SPATA13: variants seen among roughly 807,000 people sequenced by gnomAD.
SPATA13 encodes the protein spermatogenesis-associated protein 13.
SPATA13 carries 50 observed loss-of-function variants against 104.0 expected under a neutral mutation model. The observed-to-expected ratio is 0.48, with a 90% CI of 0.38 to 0.61. SPATA13 has a LOEUF of 0.61. SPATA13 is among the 20% of genes least tolerant of loss of function. SPATA13 has a pLI of 0.00. For synonymous variants in SPATA13, 606 were observed against 667.5 expected, an observed-to-expected ratio of 0.91 and a Z score of 1.42; for missense variants, 1,524 against 1,690.6, an observed-to-expected ratio of 0.90 and a Z score of 1.73.
At chr13:24,080,825 T>G (rs1463984038) in intron 3 of SPATA13, among the ~76,000 whole-genome samples, 1 of 152,202 alleles carries the variant, frequency 6.6e-6, no homozygotes, top group Non-Finnish European at 1.5e-5. Context: ...TGTTCTTTAA[T>G]CATTTTGTTT....
chr13:24,147,974 AT>A (rs898723083), intron 3 of SPATA13, among the ~76,000 whole-genome samples: 2 of 152,092 alleles, frequency 1.3e-5, no homozygotes, highest in African/African-American at 4.8e-5. Flanking sequence ...TATACACCAC[AT>A]TTTTTTAATC....
rs74041909 is a variant in SPATA13, at chr13:24,176,381, G to T, written c.-112+15449G>T. On this transcript the variant is annotated intron_variant, in intron 1 of 12. Transcript: ENST00000382108. ...GTTACAACTTTGGAAGGGCAGCAAAGACCTTGGTCTATTACTTTTCATGTA... is the reference window on the plus strand; with the variant it reads ...GTTACAACTTTGGAAGGGCAGCAAATACCTTGGTCTATTACTTTTCATGTA... 1.0e-2 allele frequency among the ~76,000 whole-genome samples: 1,520 copies of T among 152,308 alleles called. 27 individuals carry two copies. Among genetic ancestry groups the T allele is most frequent in the African/African-American group, 0.034 (1,424 of 41,546 alleles).
intron 1 of SPATA13, among the ~76,000 whole-genome samples, chr13:24,191,287 TTAATG>T (rs1869725830): frequency 6.6e-6 from 1 of 152,072 alleles, no homozygotes. Flanking sequence ...TATTTTAAAA[TTAATG>T]TATGTACATT....
intron 3 of SPATA13, among the ~76,000 whole-genome samples, chr13:24,089,033 G>A (rs11620172): frequency 0.061 from 9,290 of 152,296 alleles, 309 homozygotes; most frequent in African/African-American, 0.074. Context: ...ACGTTCACAG[G>A]TGGCTTTGAA....
At chr13:24,096,965 C>CTTTTAAA (rs1880105918) in intron 3 of SPATA13, among the ~76,000 whole-genome samples, 5 of 152,186 alleles carry the variant, frequency 3.3e-5, no homozygotes, top group Admixed American at 3.3e-4. Flanking sequence ...AAAGATCACT[C>CTTTTAAA]AGGCCCCTTA....
intron 2 of SPATA13, among the ~76,000 whole-genome samples, chr13:24,226,171 A>G (rs1289914538): frequency 6.6e-6 from 1 of 152,056 alleles, no homozygotes; most frequent in African/African-American, 2.4e-5. Context: ...GGAAGTTCTC[A>G]CTCCAGGTCG....
intron 1 of SPATA13, among the ~76,000 whole-genome samples, chr13:24,219,997 A>G (rs988480751): frequency 6.6e-6 from 1 of 152,092 alleles, no homozygotes; most frequent in Non-Finnish European, 1.5e-5. Context: ...CCCCAAATGT[A>G]CTGCCTCCCA....
chr13:24,113,154 A>C (rs1880703251), intron 3 of SPATA13, among the ~76,000 whole-genome samples: 1 of 152,228 alleles, frequency 6.6e-6, no homozygotes, highest in African/African-American at 2.4e-5. Flanking sequence ...TTTAAGTTTT[A>C]GTTTTGTAAA....
intron 4 of SPATA13, among the ~76,000 whole-genome samples, chr13:24,267,299 T>C (rs1874342609): frequency 6.6e-6 from 1 of 152,188 alleles, no homozygotes; most frequent in African/African-American, 2.4e-5. Flanking sequence ...ATAAAGGGGT[T>C]GTTGGGTCAC....
chr13:24,249,479 C>A lies in SPATA13; in HGVS notation c.1656C>A (p.Val552=). 6.5e-7 allele frequency: 1 copy of A among 1,549,950 alleles called. No homozygotes were observed. Among genetic ancestry groups the A allele is most frequent in the South Asian group, 1.2e-5 (1 of 84,732 alleles). The change falls in exon 3 of 13, where the codon GTC becomes GTA. Residue 552 remains valine, a splice_region_variant and synonymous_variant. Coordinates refer to ENST00000382108, the MANE Select transcript of SPATA13 (RefSeq NM_001166271.3). ...AGPEEKEKEE[V]VPDGPWRRSS... is the part of the protein sequence containing the mutation. ...CCTGACCTGTTCGCATTTGAAAGGT[C>A]GTCCCTGATGGCCCCTGGAGGCGAA... is the stretch of plus-strand genomic sequence containing the variant.
At chr13:24,122,400 C>T in intron 3 of SPATA13, 1 of 1,582,998 alleles carries the variant, frequency 6.3e-7, no homozygotes, top group Non-Finnish European at 8.7e-7. Flanking sequence ...AATAGCCTTC[C>T]AGAGCAGTCT....
chr13:24,160,219 T>A (rs113258532), upstream of SPATA13, among the ~76,000 whole-genome samples: 72 of 152,294 alleles, frequency 4.7e-4, no homozygotes, highest in African/African-American at 1.6e-3. Flanking sequence ...GGGTGGGGGC[T>A]GGCTGGTGGC....
intron 2 of SPATA13, among the ~76,000 whole-genome samples, chr13:24,013,857 G>C (rs939171042): frequency 6.6e-6 from 1 of 152,080 alleles, no homozygotes; most frequent in Admixed American, 6.6e-5. Context: ...GAGAAAATCA[G>C]AGCTCAGCCT....
chr13:24,249,490 G>GCC lies in SPATA13; in HGVS notation c.1670_1671dup (p.Trp558ProfsTer70), dbSNP rs1476094913. On this transcript the variant is annotated frameshift_variant, in exon 3 of 13. Transcript: ENST00000382108. LOFTEE classifies it high-confidence loss of function. ...CGCATTTGAAAGGTCGTCCCTGATGGCCCCTGGAGGCGAAGCTCATCACAG... is the reference window on the plus strand; with the variant it reads ...CGCATTTGAAAGGTCGTCCCTGATGGCCCCCCTGGAGGCGAAGCTCATCACAG... The GCC allele has an allele frequency of 6.4e-7, 1 of 1,568,054 alleles. No individual in the cohort carries two copies. Among genetic ancestry groups the GCC allele is most frequent in the Non-Finnish European group, 8.7e-7 (1 of 1,155,694 alleles).
chr13:24,017,808 C>A, intron 3 of SPATA13: 2 of 539,636 alleles, frequency 3.7e-6, no homozygotes, highest in Non-Finnish European at 4.7e-6. Flanking sequence ...CTCCGTAATC[C>A]ATATGTTACC....
chr13:24,002,585 C>T (rs1349654675), intron 2 of SPATA13, among the ~76,000 whole-genome samples: 1 of 152,116 alleles, frequency 6.6e-6, no homozygotes, highest in Non-Finnish European at 1.5e-5. Context: ...TGAGTCTCCC[C>T]ATCCCTCCTG....
intron 4 of SPATA13, among the ~76,000 whole-genome samples, chr13:24,269,951 G>T (rs1463028009): frequency 1.3e-5 from 2 of 151,472 alleles, no homozygotes; most frequent in African/African-American, 4.9e-5. Context: ...TGAATTCCTG[G>T]TTTTAAGCAA....
rs1471373451 is a variant in SPATA13 at position 24,153,316 on chromosome 13, G to A, written c.-111-69503G>A. On this transcript the variant is annotated intron_variant, in intron 3 of 14. Coordinates refer to the SPATA13 transcript ENST00000424834. ...CTGCAGTCCTGTCTTTGGGCTGTGT[G>A]GCCCACGTGGCTGGCCTTCACTCTG... 2.6e-5 allele frequency among the ~76,000 whole-genome samples: 4 copies of A among 152,310 alleles called. No homozygotes were observed. In the East Asian group the frequency reaches 7.7e-4, roughly 29 times the overall value.
At chr13:24,126,293 C>T (rs1022692813) in intron 3 of SPATA13, among the ~76,000 whole-genome samples, 3 of 151,994 alleles carry the variant, frequency 2.0e-5, no homozygotes, top group African/African-American at 7.3e-5. Flanking sequence ...AGCCTAAGGC[C>T]AATGAAACAG....
Sources: allele counts gnomAD v4.1 joint callset (sites outside exome capture counted in the v4.1 genomes callset), GRCh38; gene constraint gnomAD v4.1.1; transcripts MANE v1.5; gene names NCBI Gene and HGNC (gene_info 2026-07-23, HGNC 2026-07-21).